ITSN2: variants seen among roughly 807,000 people sequenced by gnomAD.
ITSN2 encodes intersectin-2.
Under a neutral mutation model 243.7 loss-of-function variants are expected in ITSN2, and 156 were observed. The observed-to-expected ratio is 0.64, with a 90% CI of 0.56 to 0.73. The LOEUF (loss-of-function observed/expected upper bound fraction) is 0.73, where lower values mean the gene tolerates loss of function less well. Among genes scored for constraint, ITSN2 ranks in the 30% least tolerant of loss-of-function variants. The pLI, the probability that ITSN2 is intolerant of heterozygous loss-of-function variation, is 0.00. For synonymous variants in ITSN2, 703 were observed against 699.9 expected (o/e 1.00, Z -0.07); for missense variants, 1,801 against 1,996.1 (o/e 0.90, Z 1.86).
intron 22 of ITSN2, among the ~76,000 whole-genome samples, chr2:24,258,383 T>C (rs1165291890): frequency 6.6e-6 from 1 of 152,208 alleles, no homozygotes; most frequent in African/African-American, 2.4e-5. Context: ...ATCCATGAAA[T>C]ACATATCATG....
chr2:24,320,778 A>G (rs1684480024), intron 2 of ITSN2, among the ~76,000 whole-genome samples: 1 of 151,950 alleles, frequency 6.6e-6, no homozygotes, highest in Non-Finnish European at 1.5e-5. Flanking sequence ...TTAAGGAGAA[A>G]GCCACCTGGC....
chr2:24,338,734 G>A (rs1686726277), intron 1 of ITSN2, among the ~76,000 whole-genome samples: 1 of 152,078 alleles, frequency 6.6e-6, no homozygotes, highest in African/African-American at 2.4e-5. Context: ...GCTCACACCT[G>A]TAATCCCAAC....
At chr2:24,280,980 T>C (rs146282497) in intron 17 of ITSN2, among the ~76,000 whole-genome samples, 74 of 152,320 alleles carry the variant, frequency 4.9e-4, no homozygotes, top group Admixed American at 8.5e-4. Context: ...CGTAAGTTCT[T>C]ACCCTTCGAA....
At chr2:24,358,204 C>A (rs1023114908) in intron 1 of ITSN2, among the ~76,000 whole-genome samples, 1 of 152,174 alleles carries the variant, frequency 6.6e-6, no homozygotes. Context: ...CCAGGGCACC[C>A]GGCACATAGA....
Position 24,267,487 on chromosome 2 carries a change from A to G in ITSN2, c.2355+3184T>C, listed in dbSNP as rs957616949. ...TACATACATACATACACACACACAC[A>G]TTTACCACATTTACTTACATGCCCT... On this transcript the variant is annotated intron_variant, in intron 20 of 39. Transcript: ENST00000355123. Among the ~76,000 whole-genome samples the G allele has an allele frequency of 5.3e-5, 8 of 151,958 alleles. No homozygotes were observed. The South Asian group carries it at 1.5e-3, about 28-fold the overall frequency.
rs577320034 is a variant in ITSN2 at position 24,334,987 on chromosome 2, C to CG, written c.-33-6873dup. The CG allele has an allele frequency of 1.9e-3, 559 of 286,844 alleles. 1 individual carries two copies. Among genetic ancestry groups the CG allele is most frequent in the Non-Finnish European group, 3.2e-3 (481 of 150,278 alleles). 17.8% of individuals were successfully genotyped at this position (286,844 alleles called of 1,614,324 possible). Reference sequence around the variant, plus strand: ...CTGAGGCAGGAGAATGGCGTGAACCCGGGAGGCGGAGCTTGCAGTGAGCCG... The same window carrying CG: ...CTGAGGCAGGAGAATGGCGTGAACCCGGGGAGGCGGAGCTTGCAGTGAGCCG... On this transcript the variant is annotated intron_variant, in intron 1 of 39. Transcript: ENST00000355123.
chr2:24,260,954 C>A, intron 22 of ITSN2, 152 bp downstream of exon 22: 1 of 491,490 alleles, frequency 2.0e-6, no homozygotes, highest in Non-Finnish European at 3.4e-6. Flanking sequence ...ATAGTCATTT[C>A]TTCAACTTCA....
rs1170955914 is a variant in ITSN2, at chr2:24,225,815, A to T, written c.3578-4749T>A. On this transcript the variant is annotated intron_variant, in intron 29 of 39. Transcript: ENST00000355123. The surrounding 1 kb of genome is among the most constrained non-coding windows in gnomAD (Gnocchi z 4.2). ...CAGGGTTCCCAACACGTATTTGACCACAGAATCCTCTTTTTTTGAGAGGAG... is the reference window on the plus strand; with the variant it reads ...CAGGGTTCCCAACACGTATTTGACCTCAGAATCCTCTTTTTTTGAGAGGAG... Among the ~76,000 whole-genome samples, 5 of 152,150 alleles carry T rather than the reference A, an allele frequency of 3.3e-5. No individual in the cohort carries two copies. The highest frequency in any genetic ancestry group is 1.2e-4 in the African/African-American group (5 of 41,442).
chr2:24,336,832 C>T (rs1040186639), intron 1 of ITSN2, among the ~76,000 whole-genome samples: 2 of 152,052 alleles, frequency 1.3e-5, no homozygotes, highest in Non-Finnish European at 2.9e-5. Context: ...GTTTCTAAAC[C>T]AGATCTTCCA....
At chr2:24,301,097 A>C in intron 11 of ITSN2, 57 bp downstream of exon 11, 1 of 916,672 alleles carries the variant, frequency 1.1e-6, no homozygotes, top group South Asian at 1.9e-5. Context: ...CATTACATTT[A>C]AAGGTAGAAT....
At chr2:24,334,856 G>T in intron 1 of ITSN2, 1 of 602,374 alleles carries the variant, frequency 1.7e-6, no homozygotes, top group South Asian at 1.6e-5. Context: ...GAGGTCAGGA[G>T]ATCGAGACCA....
Position 24,310,659 on chromosome 2 carries a change from T to G in ITSN2, c.386A>C (p.Gln129Pro), listed in dbSNP as rs373219511. The G allele has an allele frequency of 3.7e-6, 6 of 1,614,134 alleles. No homozygotes were observed. The highest frequency in any genetic ancestry group is 5.1e-6 in the Non-Finnish European group (6 of 1,180,010). ...MGSMPNLSIPQPLPPAAPITS... is the reference protein window; with the variant it reads ...MGSMPNLSIPPPLPPAAPITS... ...TATAGGTGCAGCTGGAGGCAATGGCTGAGGAATGGACAGATTGGGCATGCT... is the reference window on the plus strand; with the variant it reads ...TATAGGTGCAGCTGGAGGCAATGGCGGAGGAATGGACAGATTGGGCATGCT... The change falls in exon 6 of 40, where the codon CAG (glutamine) becomes CCG (proline). Residue 129 changes from glutamine (Q) to proline (P), a missense_variant. By Grantham distance (76) the Gln-to-Pro change is moderately conservative. Transcript: ENST00000355123.
intron 1 of ITSN2, among the ~76,000 whole-genome samples, chr2:24,344,925 C>G (rs1687384005): frequency 6.6e-6 from 1 of 151,988 alleles, no homozygotes; most frequent in Admixed American, 6.6e-5. Context: ...GCATTCCAGC[C>G]TGGATAATAG....
chr2:24,283,422 C>G (rs1679078439), intron 17 of ITSN2, among the ~76,000 whole-genome samples: 1 of 152,148 alleles, frequency 6.6e-6, no homozygotes. Flanking sequence ...GACGGGGTTT[C>G]ACCATGTTGG....
intron 33 of ITSN2, among the ~76,000 whole-genome samples, 158 bp downstream of exon 33, chr2:24,212,492 C>A (rs1156968023): frequency 6.6e-6 from 1 of 152,318 alleles, no homozygotes; most frequent in East Asian, 1.9e-4. Context: ...CACACACACA[C>A]AGGCATCTGG....
At position 24,211,008 on chromosome 2, in the gene ITSN2, C is replaced by T; in HGVS notation, c.4090-61G>A. On this transcript the variant is annotated intron_variant, in intron 33 of 39. Coordinates refer to ENST00000355123, the MANE Select transcript of ITSN2 (RefSeq NM_006277.3). This position sits in a 1 kb window ranked among gnomAD's most constrained non-coding sequence, Gnocchi z 4.1. ...GCGTCTCTCACCTGCCCACCTGGAC[C>T]TTCGCAGGACCGCTCCTCCAACCCC... 6.6e-7 allele frequency: 1 copy of T among 1,521,578 alleles called. No homozygotes were observed. The highest frequency in any genetic ancestry group is 9.1e-7 in the Non-Finnish European group (1 of 1,102,524). 94.3% of individuals were successfully genotyped at this position (1,521,578 alleles called of 1,614,324 possible).
intron 15 of ITSN2, among the ~76,000 whole-genome samples, chr2:24,287,461 G>A (rs1679655242): frequency 6.6e-6 from 1 of 152,080 alleles, no homozygotes; most frequent in African/African-American, 2.4e-5. Flanking sequence ...AGGTCATGCA[G>A]TATTTGTCTT....
intron 20 of ITSN2, among the ~76,000 whole-genome samples, chr2:24,264,370 A>G (rs573573911): frequency 1.3e-5 from 2 of 151,318 alleles, no homozygotes; most frequent in East Asian, 1.9e-4. Context: ...CCTGGGCAAC[A>G]AGAGCGAAAC....
At chr2:24,245,671 G>A (rs2151285068) in intron 29 of ITSN2, among the ~76,000 whole-genome samples, 1 of 152,220 alleles carries the variant, frequency 6.6e-6, no homozygotes, top group South Asian at 2.1e-4. Context: ...TCGAGATGGG[G>A]TTTCGCCATG....
Sources: gnomAD v4.1 joint callset for allele counts (sites outside exome capture counted in the v4.1 genomes callset) on GRCh38, gnomAD v4.1.1 for gene constraint, Gnocchi (gnomAD v3.1) non-coding constraint, MANE v1.5 for transcripts, NCBI Gene and HGNC (gene_info 2026-07-23, HGNC 2026-07-21) for gene names.